Variants in ST3GAL2 observed in about 807,000 individuals in gnomAD.
ST3GAL2 encodes ST3 beta-galactoside alpha-2,3-sialyltransferase 2, also known as CMP-N-acetylneuraminate-beta-galactosamide-alpha-2,3-sialyltransferase 2.
A neutral mutation model predicts 37.5 loss-of-function variants in ST3GAL2; 16 were observed. The observed-to-expected ratio is 0.43, with a 90% confidence interval of 0.29 to 0.65. ST3GAL2 has a LOEUF of 0.65. ST3GAL2 is among the 30% of genes least tolerant of loss of function. The pLI is 0.17. For missense variants in ST3GAL2, 383 were observed against 487.8 expected (o/e 0.79, Z 2.02); for synonymous variants, 238 against 202.9 (o/e 1.17, Z -1.47).
At chr16:70,403,899 G>A (rs572092010) in intron 1 of ST3GAL2, among the ~76,000 whole-genome samples, 1 of 152,186 alleles carries the variant, frequency 6.6e-6, no homozygotes, top group Admixed American at 6.6e-5. Context: ...GGAGGCTTAG[G>A]CATAAGGATC....
chr16:70,378,845 A>G lies in ST3GAL2; in HGVS notation c.*2844T>C, dbSNP rs895696249. ...AACCCGTCTCTACTAAAAATATAAAATTATCCGGGAGTGGTGGTGCATGCC... is the reference window on the plus strand; with the variant it reads ...AACCCGTCTCTACTAAAAATATAAAGTTATCCGGGAGTGGTGGTGCATGCC... On this transcript the variant is annotated 3_prime_UTR_variant, in exon 7 of 7. Coordinates refer to ENST00000342907, the MANE Select transcript of ST3GAL2 (RefSeq NM_006927.4). 1 of 151,998 alleles carries G rather than the reference A, an allele frequency of 6.6e-6. No individual in the cohort carries two copies. Among genetic ancestry groups the G allele is most frequent in the African/African-American group, 2.4e-5 (1 of 41,362 alleles). 9.4% of individuals were successfully genotyped at this position (151,998 alleles called of 1,614,324 possible). A position where few individuals can be genotyped will look rare whatever the true frequency, so the allele number is the denominator to read the frequency against.
intron 1 of ST3GAL2, among the ~76,000 whole-genome samples, chr16:70,417,462 G>A (rs568227960): frequency 6.0e-4 from 91 of 152,072 alleles, no homozygotes; most frequent in Non-Finnish European, 1.2e-3. Context: ...CATCCTATGG[G>A]ACACGGCCGT....
intron 1 of ST3GAL2, among the ~76,000 whole-genome samples, chr16:70,422,554 G>A (rs1486569288): frequency 6.6e-6 from 1 of 152,206 alleles, no homozygotes; most frequent in Non-Finnish European, 1.5e-5. Context: ...AGGAGTGAGA[G>A]GCTCAGAATG....
intron 1 of ST3GAL2, among the ~76,000 whole-genome samples, chr16:70,407,252 T>G (rs765886640): frequency 9.9e-5 from 15 of 151,642 alleles, no homozygotes; most frequent in Non-Finnish European, 1.8e-4. Context: ...GCAATTCTCC[T>G]GCCCCAGCCT....
At chr16:70,390,716 C>T (rs532338551) in intron 3 of ST3GAL2, among the ~76,000 whole-genome samples, 122 of 152,354 alleles carry the variant, frequency 8.0e-4, no homozygotes, top group African/African-American at 2.9e-3. Flanking sequence ...TGTCTGGAAA[C>T]CTTCTCTGTG....
chr16:70,430,584 C>T (rs2047783058), intron 1 of ST3GAL2, among the ~76,000 whole-genome samples: 1 of 152,184 alleles, frequency 6.6e-6, no homozygotes, highest in Admixed American at 6.5e-5. Context: ...CTCCTCCTAC[C>T]CATGGACCTG....
intron 1 of ST3GAL2, among the ~76,000 whole-genome samples, chr16:70,405,818 T>C (rs1209622751): frequency 1.3e-5 from 2 of 151,888 alleles, no homozygotes; most frequent in Non-Finnish European, 2.9e-5. Context: ...CCCAGCACTT[T>C]GGGAGGCCGA....
chr16:70,383,350 A>T, intron 4 of ST3GAL2, 115 bp from the exon 5 acceptor site: 1 of 945,142 alleles, frequency 1.1e-6, no homozygotes, highest in Admixed American at 2.9e-5. Context: ...CAGGAGTTCG[A>T]GGCCAGCCGG....
At chr16:70,401,148 C>G (rs975426982) in intron 1 of ST3GAL2, 1 of 152,394 alleles carries the variant, frequency 6.6e-6, no homozygotes, top group African/African-American at 2.4e-5. Flanking sequence ...GACTTTGCAG[C>G]TGATGGGAGC....
At chr16:70,424,136 G>A (rs370384634) in intron 1 of ST3GAL2, among the ~76,000 whole-genome samples, 3 of 150,730 alleles carry the variant, frequency 2.0e-5, no homozygotes, top group African/African-American at 4.8e-5. Flanking sequence ...ACAGGCATGC[G>A]CCATGACGCC....
intron 4 of ST3GAL2, among the ~76,000 whole-genome samples, chr16:70,384,031 C>T (rs1423474660): frequency 2.0e-5 from 3 of 152,052 alleles, no homozygotes; most frequent in East Asian, 3.9e-4. Context: ...TAGCCAGCCA[C>T]GGCCCCCGTA....
At chr16:70,394,522 C>T (rs2151661752) in intron 3 of ST3GAL2, among the ~76,000 whole-genome samples, 1 of 152,272 alleles carries the variant, frequency 6.6e-6, no homozygotes, top group Non-Finnish European at 1.5e-5. Flanking sequence ...GAAATACAGA[C>T]ACGCCACAAT....
At chr16:70,405,025 C>G (rs1319607163) in intron 1 of ST3GAL2, among the ~76,000 whole-genome samples, 1 of 147,660 alleles carries the variant, frequency 6.8e-6, no homozygotes, top group African/African-American at 2.5e-5. Flanking sequence ...GAGTGAGACT[C>G]CATCTCAAAA....
chr16:70,387,989 A>G (rs1049356232), intron 4 of ST3GAL2, among the ~76,000 whole-genome samples: 5 of 151,496 alleles, frequency 3.3e-5, no homozygotes, highest in South Asian at 2.1e-4. Context: ...GTGCATCCCT[A>G]TAATCCCAGC....
At chr16:70,415,762 C>CTTTTTTTTT (rs1203693372) in intron 1 of ST3GAL2, among the ~76,000 whole-genome samples, 46 of 115,920 alleles carry the variant, frequency 4.0e-4, no homozygotes, top group African/African-American at 1.4e-3. Context: ...TTCCAAGATT[C>CTTTTTTTTT]TTTTTTTTTT....
At position 70,398,324 on chromosome 16, in the gene ST3GAL2, G is replaced by C; in HGVS notation, c.207C>G (p.Ser69Arg). ...CGCCCATGCAGCGGCGACAGGCACAGCTCTTGCCCGAGAGCCTCTCCTTGC... is the reference window on the plus strand; with the variant it reads ...CGCCCATGCAGCGGCGACAGGCACACCTCTTGCCCGAGAGCCTCTCCTTGC... Reference protein sequence around the residue: ...RLSKERLSGKSCACRRCMGDA... With the variant: ...RLSKERLSGKRCACRRCMGDA... The change falls in exon 2 of 7, where the codon AGC becomes AGG. Residue 69 changes from serine (S) to arginine (R), a missense_variant. Around this residue, in one of 2 missense-constraint regions of ST3GAL2, gnomAD observed 223 missense variants for 239.1 expected, o/e 0.93. Coordinates refer to ENST00000342907, the MANE Select transcript of ST3GAL2 (RefSeq NM_006927.4). 1 of 1,613,454 alleles carries C rather than the reference G, an allele frequency of 6.2e-7. No homozygotes were observed. The highest frequency in any genetic ancestry group is 8.5e-7 in the Non-Finnish European group (1 of 1,180,046).
At chr16:70,383,565 G>C (rs572541724) in intron 4 of ST3GAL2, among the ~76,000 whole-genome samples, 17 of 148,812 alleles carry the variant, frequency 1.1e-4, no homozygotes, top group Admixed American at 1.1e-3. Context: ...AAAAGGAAAG[G>C]AAAGGAAAGG....
In ST3GAL2 at chr16:70,432,432, G is replaced by A. The variant is rs978004083; in HGVS notation, c.-1004+6517C>T. On this transcript the variant is annotated intron_variant, in intron 1 of 6. Transcript: ENST00000342907. ...TGCAGCAGGAAACCACCAGGGCTCA[G>A]CTAGAAAGCTAGGATTGCCCAAAGC... 3.6e-5 allele frequency among the ~76,000 whole-genome samples: 5 copies of A among 139,706 alleles called. No individual in the cohort carries two copies. In the South Asian group the frequency reaches 1.3e-3, roughly 36 times the overall value. The allele number at this position is 139,706 out of a possible 152,430, so 91.7% of individuals were successfully genotyped here. A position where few individuals can be genotyped will look rare whatever the true frequency, so the allele number is the denominator to read the frequency against.
intron 4 of ST3GAL2, among the ~76,000 whole-genome samples, chr16:70,387,071 T>C (rs976119832): frequency 6.6e-6 from 1 of 152,006 alleles, no homozygotes; most frequent in Admixed American, 6.6e-5. Context: ...CTGGCCAACA[T>C]AGCGAAACCC....
Sources: allele counts gnomAD v4.1 joint callset (sites outside exome capture counted in the v4.1 genomes callset), GRCh38; gene constraint gnomAD v4.1.1; regional missense constraint gnomAD v4.1.1; transcripts MANE v1.5; gene names NCBI Gene and HGNC (gene_info 2026-07-23, HGNC 2026-07-21).